The following KALRN variants were observed in gnomAD, a reference collection of about 807,000 sequenced individuals.
KALRN encodes kalirin RhoGEF kinase, also known as kalirin.
A neutral mutation model predicts 353.7 loss-of-function variants in KALRN; 70 were observed. The observed-to-expected ratio is 0.20, with a 90% confidence interval of 0.16 to 0.24. The LOEUF (loss-of-function observed/expected upper bound fraction) is 0.24, where lower values mean the gene tolerates loss of function less well. Ranked by LOEUF, KALRN falls within the 10% of genes least tolerant of loss-of-function variation. KALRN has a pLI of 1.00. For synonymous variants in KALRN, 1,391 were observed against 1,434.8 expected (o/e 0.97, Z 0.69); for missense variants, 2,791 against 3,756.7 (o/e 0.74, Z 6.72).
At chr3:124,509,917 C>G (rs779406830) in intron 33 of KALRN, among the ~76,000 whole-genome samples, 30 of 152,164 alleles carry the variant, frequency 2.0e-4, no homozygotes, top group Non-Finnish European at 4.0e-4. Context: ...GAGAAAGTTA[C>G]TTCTCTATAG....
intron 13 of KALRN, among the ~76,000 whole-genome samples, chr3:124,411,433 C>CTTTTTTTTTTTTTTTTTTTTTTT: frequency 1.9e-5 from 1 of 51,496 alleles, no homozygotes; most frequent in South Asian, 1.2e-3. Context: ...TTAAATTATG[C>CTTTTTTTTTTTTTTTTTTTTTTT]TTTTTTTTTT....
chr3:124,658,106 G>C (rs1392007642), intron 41 of KALRN, among the ~76,000 whole-genome samples: 1 of 152,156 alleles, frequency 6.6e-6, no homozygotes, highest in African/African-American at 2.4e-5. Context: ...AGTGAGCCAT[G>C]ATGGCCCCAC....
chr3:124,334,436 C>T lies in KALRN; in HGVS notation c.1588C>T (p.Arg530Cys), dbSNP rs781489605. The change falls in exon 9 of 60, where the codon CGC (arginine) becomes TGC (cysteine). Residue 530 changes from arginine to cysteine, a missense_variant. This residue lies in a region of KALRN where 366 missense variants were observed against 489.2 expected (regional missense o/e 0.75). Coordinates refer to ENST00000682506, the MANE Select transcript of KALRN (RefSeq NM_001388419.1). The surrounding 1 kb of genome is among the most constrained non-coding windows in gnomAD (Gnocchi z 4.2). ...QRRLESIWQH[R>C]KVRLHQRLQL... Reference sequence around the variant, plus strand: ...ACGGCTGGAGAGCATCTGGCAGCACCGCAAGGTGCGGCTCCACCAGCGGCT... The same window carrying T: ...ACGGCTGGAGAGCATCTGGCAGCACTGCAAGGTGCGGCTCCACCAGCGGCT... The T allele has an allele frequency of 3.7e-6, 6 of 1,613,968 alleles. No individual in the cohort carries two copies. The highest frequency in any genetic ancestry group is 2.2e-5 in the East Asian group (1 of 44,890).
At chr3:124,365,297 A>G (rs2084538211) in intron 10 of KALRN, among the ~76,000 whole-genome samples, 1 of 152,178 alleles carries the variant, frequency 6.6e-6, no homozygotes, top group East Asian at 1.9e-4. Flanking sequence ...GGCAATGTCC[A>G]CAAATCCCAG....
rs1311317330 is a variant in KALRN at position 124,562,839 on chromosome 3, A to G, written c.4936-4A>G. On this transcript the variant is annotated splice_region_variant and splice_polypyrimidine_tract_variant and intron_variant, in intron 33 of 59. Transcript: ENST00000682506. Reference sequence around the variant, plus strand: ...TCTACTCCCTCCACCACCACCCTCCAAAGCTCTCTGGTGGATGTGAGCTGA... The same window carrying G: ...TCTACTCCCTCCACCACCACCCTCCGAAGCTCTCTGGTGGATGTGAGCTGA... 1.5e-6 allele frequency: 2 copies of G among 1,359,870 alleles called. No individual in the cohort carries two copies. The highest frequency in any genetic ancestry group is 2.0e-6 in the Non-Finnish European group (2 of 1,018,434). 84.2% of individuals were successfully genotyped at this position (1,359,870 alleles called of 1,614,324 possible).
At position 124,496,372 on chromosome 3, in the gene KALRN, A is replaced by T. The variant is rs747178985; in HGVS notation, c.4894A>T (p.Ile1632Phe). ...DGSSQPDTIS[I>F]ASRTSQNTVD... ...GAGCAGCCAACCAGACACCATCTCC[A>T]TTGCTTCTAGGACCTCTCAGAACAC... The change falls in exon 33 of 60, where the codon ATT becomes TTT. Residue 1632 changes from isoleucine to phenylalanine, a missense_variant. By Grantham distance (21) the Ile-to-Phe change is conservative. Around this residue, in one of 11 missense-constraint regions of KALRN, gnomAD observed 239 missense variants for 351.3 expected, o/e 0.68. Coordinates refer to ENST00000682506, the MANE Select transcript of KALRN (RefSeq NM_001388419.1). The T allele has an allele frequency of 2.5e-6, 4 of 1,612,488 alleles. No homozygotes were observed. In the Admixed American group the frequency reaches 5.0e-5, roughly 20 times the overall value.
At chr3:124,399,619 A>G (rs922092851) in intron 13 of KALRN, among the ~76,000 whole-genome samples, 1 of 152,238 alleles carries the variant, frequency 6.6e-6, no homozygotes. Context: ...GTTAGATTCA[A>G]TCACACAGCA....
At chr3:124,605,035 C>T (rs2077192435) in intron 34 of KALRN, among the ~76,000 whole-genome samples, 1 of 151,788 alleles carries the variant, frequency 6.6e-6, no homozygotes. Flanking sequence ...TGCTGGTGTG[C>T]ACCTATAGTC....
Position 124,269,003 on chromosome 3 carries a change from G to T in KALRN, c.717G>T (p.Val239=). The change falls in exon 5 of 60, where the codon GTG becomes GTT. Residue 239 remains valine (V), a synonymous_variant. Transcript: ENST00000682506. ...IDEHTQLKKK[V]LKAPVEELDR... ...AACACACACAGCTCAAGAAAAAGGTGCTGAAGGCCCCTGTGGAGGAGCTGG... is the reference window on the plus strand; with the variant it reads ...AACACACACAGCTCAAGAAAAAGGTTCTGAAGGCCCCTGTGGAGGAGCTGG... The T allele has an allele frequency of 1.2e-6, 2 of 1,614,022 alleles. No homozygotes were observed. The highest frequency in any genetic ancestry group is 1.7e-6 in the Non-Finnish European group (2 of 1,179,970).
intron 29 of KALRN, among the ~76,000 whole-genome samples, chr3:124,489,862 T>TA (rs1258393976): frequency 6.6e-6 from 1 of 152,242 alleles, no homozygotes; most frequent in African/African-American, 2.4e-5. Flanking sequence ...AGGTGATCCT[T>TA]ATGCACAGTA....
intron 9 of KALRN, among the ~76,000 whole-genome samples, chr3:124,346,683 G>A (rs2082292678): frequency 6.6e-6 from 1 of 152,158 alleles, no homozygotes; most frequent in Non-Finnish European, 1.5e-5. Context: ...GGAGCACAAT[G>A]AGGCAGGATC....
In KALRN at chr3:124,413,565, G is replaced by T; in HGVS notation, c.2442G>T (p.Gln814His). 1 of 1,614,148 alleles carries T rather than the reference G, an allele frequency of 6.2e-7. No homozygotes were observed. The highest frequency in any genetic ancestry group is 1.1e-5 in the South Asian group (1 of 91,074). Residue 814 changes from glutamine (Q) to histidine (H), a missense_variant, in exon 14 of 60, where the codon CAG (glutamine) becomes CAT (histidine). Around this residue, in one of 11 missense-constraint regions of KALRN, gnomAD observed 452 missense variants for 575.8 expected, o/e 0.78. Coordinates refer to ENST00000682506, the MANE Select transcript of KALRN (RefSeq NM_001388419.1). Reference protein sequence around the residue: ...EDLTLAEQRLQRHTERKLAMN... With the variant: ...EDLTLAEQRLHRHTERKLAMN... ...TAACCCTGGCAGAACAGCGGCTGCAGCGCCACACAGAACGGAAGCTAGCCA... is the reference window on the plus strand; with the variant it reads ...TAACCCTGGCAGAACAGCGGCTGCATCGCCACACAGAACGGAAGCTAGCCA...
At chr3:124,478,942 C>T (rs566309133) in intron 27 of KALRN, among the ~76,000 whole-genome samples, 24 of 152,320 alleles carry the variant, frequency 1.6e-4, no homozygotes, top group Admixed American at 2.0e-4. Context: ...TCTCTCTCTT[C>T]AAAATTCTTC....
At chr3:124,661,977 A>C (rs760145435) in intron 45 of KALRN, 49 bp downstream of exon 45, 1 of 1,468,030 alleles carries the variant, frequency 6.8e-7, no homozygotes, top group South Asian at 1.1e-5. Flanking sequence ...GGACAATAGG[A>C]GTCCAGACTG....
In KALRN at chr3:124,526,052, T is replaced by C. The variant is rs531337458; in HGVS notation, c.4935+29639T>C. 6.6e-5 allele frequency among the ~76,000 whole-genome samples: 10 copies of C among 152,304 alleles called. No homozygotes were observed. The East Asian group carries it at 1.7e-3, about 26-fold the overall frequency. On this transcript the variant is annotated intron_variant, in intron 33 of 59. Transcript: ENST00000682506. ...TGTAGGGCTACACACATTCACAGCCTTCCAGGAGAGGCCATGAAGCCATCC... is the reference window on the plus strand; with the variant it reads ...TGTAGGGCTACACACATTCACAGCCCTCCAGGAGAGGCCATGAAGCCATCC...
At chr3:124,647,533 T>C (rs1307055093) in intron 37 of KALRN, among the ~76,000 whole-genome samples, 1 of 152,204 alleles carries the variant, frequency 6.6e-6, no homozygotes, top group Non-Finnish European at 1.5e-5. Flanking sequence ...GCATTGCCTC[T>C]TCCATTAAGT....
intron 1 of KALRN, among the ~76,000 whole-genome samples, chr3:124,073,707 T>C (rs1258421110): frequency 6.6e-6 from 1 of 152,206 alleles, no homozygotes; most frequent in Non-Finnish European, 1.5e-5. Context: ...ATCCCCAGAA[T>C]TGCCCTTTTA....
chr3:124,469,698 G>A (rs1489307636), intron 25 of KALRN, among the ~76,000 whole-genome samples: 1 of 152,072 alleles, frequency 6.6e-6, no homozygotes, highest in Non-Finnish European at 1.5e-5. Context: ...TATGCTCCAC[G>A]TTGTTCCTCT....
intron 33 of KALRN, among the ~76,000 whole-genome samples, chr3:124,548,692 T>G (rs934608930): frequency 1.3e-5 from 2 of 152,258 alleles, no homozygotes; most frequent in Non-Finnish European, 2.9e-5. Context: ...TCACTCTTGT[T>G]GCCCAGGCTG....
Sources: gnomAD v4.1 joint callset for allele counts (sites outside exome capture counted in the v4.1 genomes callset) on GRCh38, gnomAD v4.1.1 for gene constraint, gnomAD v4.1.1 regional missense constraint, Gnocchi (gnomAD v3.1) non-coding constraint, MANE v1.5 for transcripts, NCBI Gene and HGNC (gene_info 2026-07-23, HGNC 2026-07-21) for gene names.